The following CCNB1IP1 variants were observed in gnomAD, a reference collection of about 807,000 sequenced individuals.
CCNB1IP1 encodes the protein E3 ubiquitin-protein ligase CCNB1IP1.
Under a neutral mutation model 25.6 loss-of-function variants are expected in CCNB1IP1, and 14 were observed. The observed-to-expected ratio is 0.55, with a 90% CI of 0.36 to 0.85. CCNB1IP1 has a LOEUF of 0.85. Among genes scored for constraint, CCNB1IP1 ranks in the 40% least tolerant of loss-of-function variants. The pLI, the probability that CCNB1IP1 is intolerant of heterozygous loss-of-function variation, is 0.01. For missense variants in CCNB1IP1, 278 were observed against 342.4 expected, an observed-to-expected ratio of 0.81 and a Z score of 1.48; for synonymous variants, 119 against 116.1, an observed-to-expected ratio of 1.02 and a Z score of -0.16.
intron 4 of CCNB1IP1, among the ~76,000 whole-genome samples, chr14:20,318,802 G>C (rs971680841): frequency 7.2e-5 from 11 of 151,992 alleles, no homozygotes; most frequent in Non-Finnish European, 1.6e-4. Flanking sequence ...TCACTCTGTC[G>C]CCCAGGCTGG....
chr14:20,317,857 T>C (rs1481171054), intron 4 of CCNB1IP1: 2 of 152,262 alleles, frequency 1.3e-5, no homozygotes, highest in African/African-American at 4.8e-5. Context: ...AAGCGAAGAT[T>C]CCAGGATTCT....
intron 2 of CCNB1IP1, among the ~76,000 whole-genome samples, chr14:20,328,414 C>T (rs1032108545): frequency 2.0e-5 from 3 of 152,126 alleles, no homozygotes; most frequent in African/African-American, 7.2e-5. Context: ...TTTACTCCTT[C>T]CTTGCCCTAT....
In CCNB1IP1 at chr14:20,325,527, C is replaced by T. The variant is rs950467542; in HGVS notation, c.-38+12G>A. 7.9e-5 allele frequency: 12 copies of T among 151,952 alleles called. No homozygotes were observed. Among genetic ancestry groups the T allele is most frequent in the Admixed American group, 2.0e-4 (3 of 15,260 alleles). The allele number at this position is 151,952 out of a possible 1,614,324, so 9.4% of individuals were successfully genotyped here. A position where few individuals can be genotyped will look rare whatever the true frequency, so the allele number is the denominator to read the frequency against. ...ATATGGCAAAGCTTCTCAATCTCAA[C>T]GTAAGCCTTACCATAAAAGAAAAAC... On this transcript the variant is annotated intron_variant, in intron 4 of 6. Coordinates refer to ENST00000358932, the MANE Select transcript of CCNB1IP1 (RefSeq NM_021178.5).
chr14:20,332,137 C>T (rs1310939913), intron 1 of CCNB1IP1, among the ~76,000 whole-genome samples: 3 of 146,942 alleles, frequency 2.0e-5, no homozygotes, highest in Admixed American at 6.9e-5. Context: ...CGGGTTCAAG[C>T]GATTCTCCTG....
At chr14:20,324,228 C>T (rs970862883) in intron 4 of CCNB1IP1, among the ~76,000 whole-genome samples, 1 of 152,088 alleles carries the variant, frequency 6.6e-6, no homozygotes, top group Admixed American at 6.5e-5. Context: ...GCTCTGTCAC[C>T]CAAGCTGGAG....
At chr14:20,316,634 T>C (rs1239407384) in intron 4 of CCNB1IP1, 74 bp from the exon 5 acceptor site, 1 of 751,834 alleles carries the variant, frequency 1.3e-6, no homozygotes, top group Non-Finnish European at 2.1e-6. Flanking sequence ...AAATATAACA[T>C]GCACGTTTTT....
At chr14:20,330,102 C>CAAAAA (rs1328849180) in intron 1 of CCNB1IP1, among the ~76,000 whole-genome samples, 1 of 95,984 alleles carries the variant, frequency 1.0e-5, no homozygotes. Flanking sequence ...TTTCCACAGC[C>CAAAAA]ATAAAAAAAA....
chr14:20,317,007 G>A (rs1457885073), intron 4 of CCNB1IP1, among the ~76,000 whole-genome samples: 3 of 152,200 alleles, frequency 2.0e-5, no homozygotes, highest in Admixed American at 6.5e-5. Context: ...TACTCGGGAG[G>A]CTGAGGCAGG....
intron 4 of CCNB1IP1, among the ~76,000 whole-genome samples, chr14:20,323,694 C>T (rs1314231966): frequency 4.0e-5 from 6 of 151,692 alleles, no homozygotes; most frequent in Non-Finnish European, 2.9e-5. Context: ...TTTGGGAGGC[C>T]GAGGCGGGTG....
chr14:20,321,095 C>G (rs894910566), intron 4 of CCNB1IP1, among the ~76,000 whole-genome samples: 13 of 151,116 alleles, frequency 8.6e-5, no homozygotes, highest in Non-Finnish European at 1.2e-4. Context: ...CGAGATCACA[C>G]CATTGCACTC....
chr14:20,315,493 A>G (rs1225992232), intron 5 of CCNB1IP1: 1 of 1,129,670 alleles, frequency 8.9e-7, no homozygotes, highest in Non-Finnish European at 1.1e-6. Flanking sequence ...ACCCAGAAAA[A>G]TATAATAAAA....
At chr14:20,319,363 G>A (rs1882820026) in intron 4 of CCNB1IP1, among the ~76,000 whole-genome samples, 1 of 152,202 alleles carries the variant, frequency 6.6e-6, no homozygotes, top group African/African-American at 2.4e-5. Flanking sequence ...AGATCTTCAT[G>A]TGTGAACCAT....
At position 20,321,123 on chromosome 14, in the gene CCNB1IP1, G is replaced by A. The variant is rs1048508878; in HGVS notation, c.-38+4416C>T. On this transcript the variant is annotated intron_variant, in intron 4 of 6. Coordinates refer to ENST00000358932, the MANE Select transcript of CCNB1IP1 (RefSeq NM_021178.5). ...TTGCACTCCAGCCTGGGCAGCAAGA[G>A]CAAACTCCGTCTCAAAAAAAAAAAA... Among the ~76,000 whole-genome samples the A allele has an allele frequency of 3.7e-5, 5 of 136,026 alleles. No homozygotes were observed. The East Asian group carries it at 1.1e-3, about 29-fold the overall frequency. 89.2% of individuals were successfully genotyped at this position (136,026 alleles called of 152,430 possible).
chr14:20,332,611 G>GCCCTGAACTA (rs1168127820), intron 1 of CCNB1IP1, among the ~76,000 whole-genome samples: 1 of 152,144 alleles, frequency 6.6e-6, no homozygotes, highest in African/African-American at 2.4e-5. Flanking sequence ...TTTAAATCTA[G>GCCCTGAACTA]AGGCTTGCCC....
chr14:20,314,873 T>C lies in CCNB1IP1; in HGVS notation c.298-1072A>G, dbSNP rs957665099. 3.5e-4 allele frequency among the ~76,000 whole-genome samples: 53 copies of C among 151,312 alleles called. 1 individual carries two copies. The East Asian group carries it at 8.0e-3, about 23-fold the overall frequency. On this transcript the variant is annotated intron_variant, in intron 5 of 6. Transcript: ENST00000358932. ...TTGGGAGGCAGAGGTGGGCGGATCA[T>C]GAGGTCAGGAGATCGAGACCATCCT...
intron 1 of CCNB1IP1, among the ~76,000 whole-genome samples, chr14:20,331,301 C>A (rs1883227560): frequency 6.6e-6 from 1 of 152,154 alleles, no homozygotes; most frequent in Admixed American, 6.5e-5. Context: ...TCCTTCCCAG[C>A]ATTAAACACA....
At chr14:20,326,641 C>A (rs549627535) in intron 3 of CCNB1IP1, 75 bp downstream of exon 3, 1 of 386,164 alleles carries the variant, frequency 2.6e-6, no homozygotes. Flanking sequence ...CCACTAATAA[C>A]ACCGAGTCCC....
rs1594273958 is a variant in CCNB1IP1 at position 20,313,809 on chromosome 14, CA to C, written c.298-9del. Reference sequence around the variant, plus strand: ...GAGACGTTCCTGATGTACCTGGTTCCAAAAGAAAAAAGATTTTTAAGGTATT... The same window carrying C: ...GAGACGTTCCTGATGTACCTGGTTCCAAAGAAAAAAGATTTTTAAGGTATT... On this transcript the variant is annotated splice_polypyrimidine_tract_variant and intron_variant, in intron 5 of 6. Transcript: ENST00000358932. 6.6e-7 allele frequency: 1 copy of C among 1,525,488 alleles called. No individual in the cohort carries two copies. The highest frequency in any genetic ancestry group is 8.8e-7 in the Non-Finnish European group (1 of 1,140,452). The allele number at this position is 1,525,488 out of a possible 1,614,324, so 94.5% of individuals were successfully genotyped here.
Position 20,313,836 on chromosome 14 carries a change from G to A in CCNB1IP1, c.298-35C>T, listed in dbSNP as rs1038218971. The A allele has an allele frequency of 4.9e-6, 7 of 1,443,178 alleles. No individual in the cohort carries two copies. In the East Asian group the frequency reaches 6.8e-5, roughly 14 times the overall value. 89.4% of individuals were successfully genotyped at this position (1,443,178 alleles called of 1,614,324 possible). A position where few individuals can be genotyped will look rare whatever the true frequency, so the allele number is the denominator to read the frequency against. On this transcript the variant is annotated intron_variant, in intron 5 of 6. Coordinates refer to ENST00000358932, the MANE Select transcript of CCNB1IP1 (RefSeq NM_021178.5). ...AAAGAAAAAAGATTTTTAAGGTATTGGGTACAAAGTTATATATTGTAAAAT... is the reference window on the plus strand; with the variant it reads ...AAAGAAAAAAGATTTTTAAGGTATTAGGTACAAAGTTATATATTGTAAAAT...
Sources: allele counts gnomAD v4.1 joint callset (sites outside exome capture counted in the v4.1 genomes callset), GRCh38; gene constraint gnomAD v4.1.1; transcripts MANE v1.5; gene names NCBI Gene and HGNC (gene_info 2026-07-23, HGNC 2026-07-21).